USP16: variants seen among roughly 807,000 people sequenced by gnomAD.
USP16 encodes ubiquitin specific peptidase 16, also known as ubiquitin carboxyl-terminal hydrolase 16.
A neutral mutation model predicts 95.9 loss-of-function variants in USP16; 77 were observed. The ratio of observed to expected loss-of-function variants is 0.80; its 90% CI spans 0.67 to 0.97. USP16 has a LOEUF of 0.97. USP16 is among the 50% of genes least tolerant of loss of function. The pLI is 0.00. For missense variants in USP16, 943 were observed against 959.9 expected (o/e 0.98, Z 0.23); for synonymous variants, 303 against 318.2 (o/e 0.95, Z 0.51).
At chr21:29,052,544 A>G (rs1056634515) in intron 16 of USP16, 2 of 152,238 alleles carry the variant, frequency 1.3e-5, no homozygotes, top group African/African-American at 4.8e-5. Context: ...TTGCGTCCCA[A>G]CGGGTACCCT....
intron 13 of USP16, among the ~76,000 whole-genome samples, chr21:29,045,265 C>G (rs1329125595): frequency 2.0e-5 from 3 of 152,118 alleles, no homozygotes; most frequent in African/African-American, 7.2e-5. Flanking sequence ...TCTGGTATTA[C>G]AGAGTAGCCT....
chr21:29,054,044 A>AT (rs768119709), intron 17 of USP16, 22 bp from the exon 18 acceptor site: 3 of 1,613,800 alleles, frequency 1.9e-6, no homozygotes, highest in Non-Finnish European at 2.5e-6. Context: ...TTTATGTTTG[A>AT]TTTTTCATTT....
chr21:29,028,080 T>G, intron 2 of USP16, 106 bp downstream of exon 2: 1 of 850,640 alleles, frequency 1.2e-6, no homozygotes, highest in Non-Finnish European at 1.8e-6. Context: ...TATCTGCATT[T>G]TAATATAATG....
intron 16 of USP16, among the ~76,000 whole-genome samples, chr21:29,051,047 GA>G (rs1045242747): frequency 6.6e-6 from 1 of 152,150 alleles, no homozygotes; most frequent in Non-Finnish European, 1.5e-5. Context: ...GAATTAACCA[GA>G]CTTAATGATT....
At chr21:29,048,930 C>T in intron 15 of USP16, 75 bp downstream of exon 15, 2 of 1,079,882 alleles carry the variant, frequency 1.9e-6, no homozygotes, top group Non-Finnish European at 2.7e-6. Flanking sequence ...ATTACTGTCT[C>T]AACATACTAC....
In USP16 at chr21:29,034,877, A is replaced by ACTAT. The variant is rs1429837456; in HGVS notation, c.284_287dup (p.Thr97SerfsTer6). 7 of 1,614,004 alleles carry ACTAT rather than the reference A, an allele frequency of 4.3e-6. No individual in the cohort carries two copies. The highest frequency in any genetic ancestry group is 5.9e-6 in the Non-Finnish European group (7 of 1,180,000). On this transcript the variant is annotated frameshift_variant, in exon 4 of 18. Coordinates refer to ENST00000399976, the MANE Select transcript of USP16 (RefSeq NM_006447.3). LOFTEE classifies it high-confidence loss of function. ...TCTCAGGAGCAGCATGCCTTGAAGC[A>ACTAT]CTATCTGACGCCAAGATCTGAACCT...
chr21:29,035,904 C>T (rs1270942625), intron 4 of USP16, among the ~76,000 whole-genome samples: 2 of 151,726 alleles, frequency 1.3e-5, no homozygotes, highest in Non-Finnish European at 2.9e-5. Context: ...GGCAACAGAG[C>T]GAGACTCCGT....
At chr21:29,030,820 G>C (rs2085066683) in intron 3 of USP16, 47 bp downstream of exon 3, 3 of 1,554,732 alleles carry the variant, frequency 1.9e-6, no homozygotes, top group Middle Eastern at 1.8e-4. Flanking sequence ...AAAACTCTTT[G>C]AACTTACTTT....
chr21:29,041,616 G>A (rs1288517328), intron 10 of USP16, among the ~76,000 whole-genome samples: 1 of 152,090 alleles, frequency 6.6e-6, no homozygotes, highest in East Asian at 1.9e-4. Context: ...TCTTTTATCA[G>A]TCTTGAATGT....
At chr21:29,042,840 C>A in intron 12 of USP16, 1 of 210,224 alleles carries the variant, frequency 4.8e-6, no homozygotes, top group Non-Finnish European at 9.3e-6. Flanking sequence ...ATCACGAATC[C>A]CTTGCACACC....
At position 29,054,051 on chromosome 21, in the gene USP16, A is replaced by G. The variant is rs763051544; in HGVS notation, c.2351-15A>G. ...TCTTTCCATTTATGTTTGATTTTTC[A>G]TTTTCTCATGACAGATTTTGAAATG... On this transcript the variant is annotated splice_polypyrimidine_tract_variant and intron_variant, in intron 17 of 17. Coordinates refer to ENST00000399976, the MANE Select transcript of USP16 (RefSeq NM_006447.3). 1 of 1,613,906 alleles carries G rather than the reference A, an allele frequency of 6.2e-7. No individual in the cohort carries two copies. The highest frequency in any genetic ancestry group is 8.5e-7 in the Non-Finnish European group (1 of 1,179,872).
In USP16 at chr21:29,038,335, A is replaced by G. The variant is rs777258940; in HGVS notation, c.637A>G (p.Asn213Asp). ...NTCFFNAVMQ[N>D]LSQTPVLREL... The stretch of plus-strand genomic sequence containing the variant: ...CTTTTTTTTTCACCCTACATTCTAG[A>G]ACTTGTCACAAACACCAGTGCTTAG... Residue 213 changes from asparagine to aspartate, a missense_variant and splice_region_variant, in exon 7 of 18, where the codon AAC becomes GAC. By Grantham distance (23) the Asn-to-Asp change is conservative. Transcript: ENST00000399976. The G allele has an allele frequency of 1.2e-6, 2 of 1,604,094 alleles. No homozygotes were observed. The highest frequency in any genetic ancestry group is 1.7e-6 in the Non-Finnish European group (2 of 1,173,840).
intron 14 of USP16, among the ~76,000 whole-genome samples, chr21:29,048,007 GCTTA>G (rs902834958): frequency 2.1e-4 from 30 of 145,884 alleles, no homozygotes; most frequent in African/African-American, 7.1e-4. Flanking sequence ...ACAAAAATAG[GCTTA>G]CTTTTTGTCT....
At chr21:29,029,381 C>G (rs138515109) in intron 2 of USP16, among the ~76,000 whole-genome samples, 12 of 152,190 alleles carry the variant, frequency 7.9e-5, no homozygotes, top group African/African-American at 2.9e-4. Flanking sequence ...CCACTGCACT[C>G]CAGCCTGGGC....
chr21:29,053,864 T>C lies in USP16; in HGVS notation c.2256T>C (p.Gly752=). ...YSLYGVVEHS[G]TMRSGHYTAY... Reference sequence around the variant, plus strand: ...TATATGGAGTTGTTGAACACAGTGGTACTATGAGGTCGGGGCATTACACTG... The same window carrying C: ...TATATGGAGTTGTTGAACACAGTGGCACTATGAGGTCGGGGCATTACACTG... The change falls in exon 17 of 18, where the codon GGT becomes GGC. Residue 752 remains glycine, a synonymous_variant. Coordinates refer to ENST00000399976, the MANE Select transcript of USP16 (RefSeq NM_006447.3). The C allele has an allele frequency of 6.2e-7, 1 of 1,614,222 alleles. No homozygotes were observed. Among genetic ancestry groups the C allele is most frequent in the Non-Finnish European group, 8.5e-7 (1 of 1,180,038 alleles).
intron 9 of USP16, among the ~76,000 whole-genome samples, chr21:29,040,345 G>A (rs1475653352): frequency 6.6e-6 from 1 of 152,160 alleles, no homozygotes; most frequent in Non-Finnish European, 1.5e-5. Flanking sequence ...CTCAAAGGTG[G>A]TGGGCATGTT....
At chr21:29,025,495 T>C (rs918656310) in intron 1 of USP16, among the ~76,000 whole-genome samples, 1 of 152,330 alleles carries the variant, frequency 6.6e-6, no homozygotes, top group African/African-American at 2.4e-5. Context: ...TCATGACTCA[T>C]TAGTTGCCTT....
chr21:29,050,762 T>G (rs1361121802), intron 16 of USP16, among the ~76,000 whole-genome samples: 3 of 152,070 alleles, frequency 2.0e-5, no homozygotes, highest in Non-Finnish European at 4.4e-5. Context: ...AGAAGTGAGA[T>G]AGGAATGAAG....
intron 15 of USP16, among the ~76,000 whole-genome samples, chr21:29,049,608 G>A (rs1029113389): frequency 1.3e-5 from 2 of 152,146 alleles, no homozygotes; most frequent in African/African-American, 4.8e-5. Flanking sequence ...CACCCAGGCT[G>A]GTGTGCAATG....
Sources: gnomAD v4.1 joint callset for allele counts (sites outside exome capture counted in the v4.1 genomes callset) on GRCh38, gnomAD v4.1.1 for gene constraint, MANE v1.5 for transcripts, NCBI Gene and HGNC (gene_info 2026-07-23, HGNC 2026-07-21) for gene names.